CSMD1: variants seen among roughly 807,000 people sequenced by gnomAD.
CSMD1 encodes the protein CUB and Sushi multiple domains 1.
In CSMD1, 213 loss-of-function variants were observed where a neutral mutation model predicts 417.5. The observed-to-expected ratio is 0.51, with a 90% CI of 0.46 to 0.57. CSMD1 has a LOEUF of 0.57. Ranked by LOEUF, CSMD1 falls within the 20% of genes least tolerant of loss-of-function variation. CSMD1 has a pLI of 0.00. For missense variants in CSMD1, 6,923 were observed against 4,529.7 expected, an observed-to-expected ratio of 1.53 and a Z score of -15.17; for synonymous variants, 2,862 against 1,736.8, an observed-to-expected ratio of 1.65 and a Z score of -16.11.
intron 7 of CSMD1, among the ~76,000 whole-genome samples, chr8:3,667,143 AG>A (rs1007341169): frequency 1.3e-5 from 2 of 152,116 alleles, no homozygotes; most frequent in African/African-American, 2.4e-5. Flanking sequence ...AGTGAGGTAA[AG>A]GGGGGCTGTT....
rs73660730 is a variant in CSMD1, at chr8:4,283,367, C to A, written c.415+136586G>T. ...GTATAAATGCGAACATCTTTGCCATCTGAAAAGGGTATGTGTGCCATGAAG... is the reference window on the plus strand; with the variant it reads ...GTATAAATGCGAACATCTTTGCCATATGAAAAGGGTATGTGTGCCATGAAG... On this transcript the variant is annotated intron_variant, in intron 3 of 69. Transcript: ENST00000635120. Among the ~76,000 whole-genome samples, 1,369 of 152,268 alleles carry A rather than the reference C, an allele frequency of 9.0e-3. 14 individuals are homozygous for A. Among genetic ancestry groups the A allele is most frequent in the African/African-American group, 0.032 (1,323 of 41,544 alleles).
At chr8:4,850,874 T>G (rs757657578) in intron 1 of CSMD1, among the ~76,000 whole-genome samples, 7 of 152,154 alleles carry the variant, frequency 4.6e-5, no homozygotes, top group Non-Finnish European at 7.4e-5. Flanking sequence ...TCATGTCACA[T>G]GAACCTTTAT....
chr8:3,673,735 G>A (rs1436665454), intron 7 of CSMD1, among the ~76,000 whole-genome samples: 2 of 152,238 alleles, frequency 1.3e-5, no homozygotes, highest in Non-Finnish European at 2.9e-5. Context: ...TTTAGTCCAC[G>A]AAACTATTGG....
chr8:4,546,928 T>C (rs1299164510), intron 2 of CSMD1, among the ~76,000 whole-genome samples: 19 of 152,232 alleles, frequency 1.2e-4, no homozygotes, highest in Admixed American at 1.2e-3. Context: ...GAGATGTTGA[T>C]TCTCCTCTGC....
intron 3 of CSMD1, among the ~76,000 whole-genome samples, chr8:4,061,195 A>C (rs1347801786): frequency 1.3e-5 from 2 of 152,166 alleles, no homozygotes; most frequent in African/African-American, 4.8e-5. Flanking sequence ...TTCTAACATG[A>C]GCCCTTTTAG....
At chr8:4,232,513 A>T (rs1415290697) in intron 3 of CSMD1, among the ~76,000 whole-genome samples, 1 of 152,114 alleles carries the variant, frequency 6.6e-6, no homozygotes, top group African/African-American at 2.4e-5. Context: ...ATGTCCTTTA[A>T]ATTACACACT....
At chr8:3,860,784 C>G (rs1028878335) in intron 5 of CSMD1, among the ~76,000 whole-genome samples, 2 of 152,158 alleles carry the variant, frequency 1.3e-5, no homozygotes, top group African/African-American at 4.8e-5. Context: ...AGCTGTTTTA[C>G]TCTGCAACAC....
At chr8:4,066,290 C>T (rs923518750) in intron 3 of CSMD1, among the ~76,000 whole-genome samples, 1 of 152,146 alleles carries the variant, frequency 6.6e-6, no homozygotes, top group African/African-American at 2.4e-5. Flanking sequence ...TCTGTACGAC[C>T]TTAACCGTTT....
intron 3 of CSMD1, among the ~76,000 whole-genome samples, chr8:4,269,341 C>T (rs1223752159): frequency 1.3e-5 from 2 of 152,302 alleles, no homozygotes; most frequent in South Asian, 2.1e-4. Context: ...GCTGGGATTA[C>T]AGGTGTGAGC....
intron 7 of CSMD1, among the ~76,000 whole-genome samples, chr8:3,651,508 G>C (rs973942344): frequency 1.3e-5 from 2 of 152,036 alleles, no homozygotes; most frequent in African/African-American, 4.8e-5. Flanking sequence ...TGCATAGCTG[G>C]CCTCGGTTTC....
At chr8:3,503,231 T>G (rs564549633) in intron 10 of CSMD1, among the ~76,000 whole-genome samples, 1 of 152,166 alleles carries the variant, frequency 6.6e-6, no homozygotes, top group Non-Finnish European at 1.5e-5. Flanking sequence ...AATATGTCAT[T>G]AATTCTGGGA....
intron 12 of CSMD1, among the ~76,000 whole-genome samples, chr8:3,447,678 G>T (rs920141280): frequency 2.6e-5 from 4 of 152,172 alleles, no homozygotes; most frequent in Admixed American, 2.6e-4. Flanking sequence ...TGGTTGGAAG[G>T]GCTCTGCTCC....
At chr8:4,568,674 T>G (rs1484051103) in intron 2 of CSMD1, among the ~76,000 whole-genome samples, 1 of 152,204 alleles carries the variant, frequency 6.6e-6, no homozygotes, top group African/African-American at 2.4e-5. Context: ...TTTCTGGTTC[T>G]AGATCCTTTA....
chr8:3,672,315 C>A (rs1799115020), intron 7 of CSMD1, among the ~76,000 whole-genome samples: 1 of 151,410 alleles, frequency 6.6e-6, no homozygotes, highest in Non-Finnish European at 1.5e-5. Context: ...TCCTAAGGTT[C>A]TCCCAATGGC....
intron 5 of CSMD1, among the ~76,000 whole-genome samples, chr8:3,864,918 C>T (rs936493649): frequency 1.3e-5 from 2 of 152,190 alleles, no homozygotes; most frequent in East Asian, 1.9e-4. Context: ...TATTGCTCTA[C>T]GTGGTCTCGG....
chr8:2,993,502 C>T (rs1211439771), intron 54 of CSMD1, among the ~76,000 whole-genome samples: 1 of 152,178 alleles, frequency 6.6e-6, no homozygotes, highest in Non-Finnish European at 1.5e-5. Flanking sequence ...CAGCGTCTCC[C>T]AGATGCCAAC....
intron 2 of CSMD1, among the ~76,000 whole-genome samples, chr8:4,510,389 C>CAAAAAAAA (rs1563243981): frequency 9.1e-5 from 1 of 10,958 alleles, no homozygotes; most frequent in African/African-American, 4.2e-4. Context: ...AGCATAATGC[C>CAAAAAAAA]TAAAAAAAAA....
At chr8:3,802,886 T>C (rs928158382) in intron 5 of CSMD1, among the ~76,000 whole-genome samples, 10 of 152,166 alleles carry the variant, frequency 6.6e-5, no homozygotes, top group Non-Finnish European at 1.3e-4. Context: ...TTAAAAAGAA[T>C]AGTTTGATTT....
intron 2 of CSMD1, among the ~76,000 whole-genome samples, chr8:4,508,691 G>C (rs1020285245): frequency 6.6e-6 from 1 of 152,008 alleles, no homozygotes; most frequent in African/African-American, 2.4e-5. Context: ...GCTGGTAGTG[G>C]GTCTGGAACC....
Sources: allele counts gnomAD v4.1 joint callset (sites outside exome capture counted in the v4.1 genomes callset), GRCh38; gene constraint gnomAD v4.1.1; transcripts MANE v1.5; gene names NCBI Gene and HGNC (gene_info 2026-07-23, HGNC 2026-07-21).